SDK1: variants seen among roughly 807,000 people sequenced by gnomAD.
SDK1 encodes the protein sidekick cell adhesion molecule 1, also known as protein sidekick-1.
Under a neutral mutation model 245.5 loss-of-function variants are expected in SDK1, and 157 were observed. That is an observed-to-expected ratio of 0.64 (90% confidence interval 0.56 to 0.73). The LOEUF (loss-of-function observed/expected upper bound fraction) is 0.73. Ranked by LOEUF, SDK1 falls within the 30% of genes least tolerant of loss-of-function variation. The probability of loss-of-function intolerance (pLI) is 0.00; values close to 1 mark genes in which losing one functional copy is unlikely to be tolerated. For missense variants in SDK1, 3,583 were observed against 3,002.3 expected, an observed-to-expected ratio of 1.19 and a Z score of -4.52; for synonymous variants, 1,647 against 1,278.5, an observed-to-expected ratio of 1.29 and a Z score of -6.15.
intron 2 of SDK1, among the ~76,000 whole-genome samples, chr7:3,638,426 C>T (rs1315312874): frequency 6.6e-6 from 1 of 151,840 alleles, no homozygotes; most frequent in East Asian, 1.9e-4. Flanking sequence ...AAATGTGGCA[C>T]ATATACACCA....
chr7:3,855,663 C>A (rs1027767578), intron 5 of SDK1, among the ~76,000 whole-genome samples: 1 of 152,080 alleles, frequency 6.6e-6, no homozygotes, highest in African/African-American at 2.4e-5. Context: ...AGGTAATGTA[C>A]AAAGAAGCCC....
At chr7:3,869,694 A>C (rs1346011819) in intron 5 of SDK1, among the ~76,000 whole-genome samples, 1 of 152,132 alleles carries the variant, frequency 6.6e-6, no homozygotes, top group Non-Finnish European at 1.5e-5. Flanking sequence ...AACTTTTGAA[A>C]TTTTAGATTT....
intron 1 of SDK1, among the ~76,000 whole-genome samples, chr7:3,538,254 T>C (rs1271598152): frequency 6.6e-6 from 1 of 152,216 alleles, no homozygotes; most frequent in Non-Finnish European, 1.5e-5. Context: ...TTGGGTCAGC[T>C]TTCACACCTC....
chr7:4,197,466 A>T (rs1783650765), intron 35 of SDK1, among the ~76,000 whole-genome samples: 1 of 152,084 alleles, frequency 6.6e-6, no homozygotes, highest in Non-Finnish European at 1.5e-5. Context: ...CCAGTCTGGG[A>T]AACAGAGCAA....
intron 4 of SDK1, among the ~76,000 whole-genome samples, chr7:3,732,333 A>G (rs1184524180): frequency 6.6e-6 from 1 of 152,232 alleles, no homozygotes; most frequent in East Asian, 1.9e-4. Context: ...ATCTTTGTCA[A>G]AAAACAGCCA....
chr7:4,054,583 C>T lies in SDK1; in HGVS notation c.2911+2753C>T, dbSNP rs1234701663. On this transcript the variant is annotated intron_variant, in intron 19 of 44. Coordinates refer to ENST00000404826, the MANE Select transcript of SDK1 (RefSeq NM_152744.4). Reference sequence around the variant, plus strand: ...CTTTATAGCCACACCCACCTTCCTCCAGCTCTTCCTTTCTAACCTGTATGC... The same window carrying T: ...CTTTATAGCCACACCCACCTTCCTCTAGCTCTTCCTTTCTAACCTGTATGC... 6.6e-5 allele frequency among the ~76,000 whole-genome samples: 10 copies of T among 152,296 alleles called. No individual in the cohort carries two copies. The East Asian group carries it at 1.9e-3, about 29-fold the overall frequency.
At position 3,392,446 on chromosome 7, in the gene SDK1, A is replaced by AAT. The variant is rs558371681; in HGVS notation, c.298+90570_298+90571dup. Among the ~76,000 whole-genome samples, 248 of 152,158 alleles carry AAT rather than the reference A, an allele frequency of 1.6e-3. 4 individuals carry two copies. The highest frequency in any genetic ancestry group is 5.6e-3 in the African/African-American group (234 of 41,516). On this transcript the variant is annotated intron_variant, in intron 1 of 44. Transcript: ENST00000404826. ...TTTATATATACTTTTATGGTGGTAA[A>AAT]ATATATATACACACATATAGCATAG...
chr7:3,825,906 C>G (rs141598544), intron 5 of SDK1, among the ~76,000 whole-genome samples: 1 of 152,220 alleles, frequency 6.6e-6, no homozygotes, highest in Non-Finnish European at 1.5e-5. Context: ...TGAAATATTA[C>G]TAAAAACCAA....
At chr7:4,206,190 G>T (rs1784213980) in intron 36 of SDK1, among the ~76,000 whole-genome samples, 196 bp downstream of exon 36, 3 of 152,212 alleles carry the variant, frequency 2.0e-5, no homozygotes, top group Admixed American at 1.3e-4. Context: ...GCAGCACAGG[G>T]GCCAGGCTCA....
chr7:3,429,138 G>C (rs939593944), intron 1 of SDK1, among the ~76,000 whole-genome samples: 1 of 152,130 alleles, frequency 6.6e-6, no homozygotes, highest in Non-Finnish European at 1.5e-5. Context: ...GCTCAGTTTG[G>C]AGCATCTAAA....
At chr7:4,101,167 G>A (rs911446856) in intron 22 of SDK1, among the ~76,000 whole-genome samples, 1 of 73,926 alleles carries the variant, frequency 1.4e-5, no homozygotes, top group Non-Finnish European at 2.8e-5. Context: ...TTTTTTTTTT[G>A]AGACGGAGTC....
rs1562466300 is a variant in SDK1 at position 3,403,880 on chromosome 7, T to TTATATATATATATATTTTATATATATATA, written c.298+101999_298+102000insATATATATATATTTTATATATATATATAT. Among the ~76,000 whole-genome samples the TTATATATATATATATTTTATATATATATA allele has an allele frequency of 4.2e-4, 50 of 119,792 alleles. 1 individual carries two copies. The highest frequency in any genetic ancestry group is 1.5e-3 in the African/African-American group (48 of 32,146). The allele number at this position is 119,792 out of a possible 152,430, so 78.6% of individuals were successfully genotyped here. On this transcript the variant is annotated intron_variant, in intron 1 of 44. Coordinates refer to ENST00000404826, the MANE Select transcript of SDK1 (RefSeq NM_152744.4). The stretch of plus-strand genomic sequence containing the variant: ...ATATATATATATATAATATATATAT[T>TTATATATATATATATTTTATATATATATA]TATTTATATTATATATATATTTATT...
At chr7:3,710,446 T>C (rs1423289825) in intron 4 of SDK1, among the ~76,000 whole-genome samples, 1 of 152,232 alleles carries the variant, frequency 6.6e-6, no homozygotes, top group Non-Finnish European at 1.5e-5. Context: ...AGTTCTCATA[T>C]TGGAATTATT....
chr7:3,519,133 G>C (rs954127496), intron 1 of SDK1, among the ~76,000 whole-genome samples: 1 of 152,110 alleles, frequency 6.6e-6, no homozygotes, highest in Non-Finnish European at 1.5e-5. Context: ...CAGAGAATAG[G>C]AGGGTTGAAG....
At chr7:3,737,566 G>C (rs1779351624) in intron 4 of SDK1, among the ~76,000 whole-genome samples, 1 of 152,236 alleles carries the variant, frequency 6.6e-6, no homozygotes, top group Non-Finnish European at 1.5e-5. Context: ...TGGTGACACT[G>C]GTTCAGCTCT....
In SDK1 at chr7:3,467,971, TGTC is replaced by T. The variant is rs1301300263; in HGVS notation, c.299-151108_299-151106del. 5.8e-5 allele frequency among the ~76,000 whole-genome samples: 6 copies of T among 103,188 alleles called. No homozygotes were observed. In the South Asian group the frequency reaches 1.4e-3, roughly 24 times the overall value. 67.7% of individuals were successfully genotyped at this position (103,188 alleles called of 152,430 possible). On this transcript the variant is annotated intron_variant, in intron 1 of 44. Coordinates refer to ENST00000404826, the MANE Select transcript of SDK1 (RefSeq NM_152744.4). ...CATATATAGGTGATGTAATCATTGTTGTCATGTTTTTTTAATGAAGATTTTAAA... is the reference window on the plus strand; with the variant it reads ...CATATATAGGTGATGTAATCATTGTTATGTTTTTTTAATGAAGATTTTAAA...
intron 1 of SDK1, among the ~76,000 whole-genome samples, chr7:3,346,465 T>C (rs1330923492): frequency 6.6e-6 from 1 of 152,178 alleles, no homozygotes; most frequent in African/African-American, 2.4e-5. Flanking sequence ...ACAAGTGTGC[T>C]GTGCTTTCTG....
chr7:3,604,721 G>T (rs1251607056), intron 1 of SDK1, among the ~76,000 whole-genome samples: 3 of 150,666 alleles, frequency 2.0e-5, no homozygotes, highest in African/African-American at 7.3e-5. Flanking sequence ...TGCTGCCTCA[G>T]CCTCCAGAGT....
At chr7:3,661,556 G>A (rs548928876) in intron 4 of SDK1, among the ~76,000 whole-genome samples, 4 of 152,218 alleles carry the variant, frequency 2.6e-5, no homozygotes, top group African/African-American at 9.6e-5. Flanking sequence ...ATGAAATAAG[G>A]AATTGTGGCT....
Sources: gnomAD v4.1 joint callset for allele counts (sites outside exome capture counted in the v4.1 genomes callset) on GRCh38, gnomAD v4.1.1 for gene constraint, MANE v1.5 for transcripts, NCBI Gene and HGNC (gene_info 2026-07-23, HGNC 2026-07-21) for gene names.